Variants in SPIDR observed in about 807,000 individuals in gnomAD.
The protein encoded by SPIDR is DNA repair-scaffolding protein.
SPIDR carries 93 observed loss-of-function variants against 104.6 expected under a neutral mutation model. The ratio of observed to expected loss-of-function variants is 0.89; its 90% CI spans 0.75 to 1.06. The LOEUF (loss-of-function observed/expected upper bound fraction) is 1.06. SPIDR is among the 50% of genes least tolerant of loss of function. The probability of loss-of-function intolerance (pLI) is 0.00; values close to 1 mark genes in which losing one functional copy is unlikely to be tolerated. For missense variants in SPIDR, 1,154 were observed against 1,111.2 expected (o/e 1.04, Z -0.55); for synonymous variants, 431 against 416.9 (o/e 1.03, Z -0.41).
chr8:47,599,228 G>T (rs1181562854), intron 10 of SPIDR, 32 bp downstream of exon 10: 1 of 1,608,964 alleles, frequency 6.2e-7, no homozygotes, highest in African/African-American at 1.3e-5. Context: ...TGGGGCAGAG[G>T]TGAAGAGTCA....
intron 5 of SPIDR, among the ~76,000 whole-genome samples, chr8:47,327,919 A>C (rs1243003880): frequency 6.6e-6 from 1 of 151,430 alleles, no homozygotes; most frequent in Non-Finnish European, 1.5e-5. Context: ...GCTTGTCTTG[A>C]ACCCCTGAGC....
At chr8:47,371,835 T>A (rs1392981571) in intron 5 of SPIDR, among the ~76,000 whole-genome samples, 1 of 152,178 alleles carries the variant, frequency 6.6e-6, no homozygotes, top group South Asian at 2.1e-4. Context: ...GACAGAAATC[T>A]TCTGCTTGGA....
At chr8:47,374,955 C>T (rs1554641420) in intron 5 of SPIDR, among the ~76,000 whole-genome samples, 1 of 152,000 alleles carries the variant, frequency 6.6e-6, no homozygotes, top group African/African-American at 2.4e-5. Context: ...ACTCAGGAGG[C>T]TGAGGCAGGA....
At chr8:47,525,573 G>T (rs890747224) in intron 8 of SPIDR, among the ~76,000 whole-genome samples, 9 of 152,064 alleles carry the variant, frequency 5.9e-5, no homozygotes, top group Non-Finnish European at 1.3e-4. Context: ...GGCCAGGGTG[G>T]GCGGATCACC....
chr8:47,686,661 A>AT (rs1785421197), intron 11 of SPIDR, among the ~76,000 whole-genome samples: 1 of 152,144 alleles, frequency 6.6e-6, no homozygotes, highest in African/African-American at 2.4e-5. Flanking sequence ...CCAAAGTCTG[A>AT]TTTTCAGTAC....
intron 7 of SPIDR, among the ~76,000 whole-genome samples, chr8:47,429,224 A>G (rs1411878041): frequency 6.6e-6 from 1 of 152,242 alleles, no homozygotes; most frequent in Non-Finnish European, 1.5e-5. Context: ...TTTATTAAAA[A>G]TAATGGTGGG....
At chr8:47,403,580 T>C (rs4873292) in intron 6 of SPIDR, among the ~76,000 whole-genome samples, 91,174 of 151,988 alleles carry the variant, frequency 0.6, 29,758 homozygotes, top group Admixed American at 0.75. Context: ...ACAGCCAAAT[T>C]ATGAGTGAAC....
At chr8:47,567,351 C>CT (rs2057996684) in intron 8 of SPIDR, among the ~76,000 whole-genome samples, 1 of 151,966 alleles carries the variant, frequency 6.6e-6, no homozygotes, top group South Asian at 2.1e-4. Flanking sequence ...TCCCGAGTAG[C>CT]TGGGATTACA....
intron 7 of SPIDR, among the ~76,000 whole-genome samples, chr8:47,424,205 G>A (rs2066043219): frequency 6.6e-6 from 1 of 152,196 alleles, no homozygotes; most frequent in Non-Finnish European, 1.5e-5. Context: ...AGCAGTGGTT[G>A]CACCCTGGCT....
intron 8 of SPIDR, among the ~76,000 whole-genome samples, chr8:47,482,594 G>T (rs1486092551): frequency 2.6e-5 from 4 of 152,222 alleles, no homozygotes; most frequent in Non-Finnish European, 5.9e-5. Flanking sequence ...CTACTACCTA[G>T]TGAAGGGGAG....
At chr8:47,393,950 G>A (rs1410351077) in intron 5 of SPIDR, among the ~76,000 whole-genome samples, 1 of 151,298 alleles carries the variant, frequency 6.6e-6, no homozygotes, top group South Asian at 2.1e-4. Context: ...TGTCACCCAG[G>A]CTGGAGTGCA....
chr8:47,606,969 A>G (rs2063036284), intron 10 of SPIDR, among the ~76,000 whole-genome samples: 2 of 152,226 alleles, frequency 1.3e-5, no homozygotes, highest in Non-Finnish European at 2.9e-5. Flanking sequence ...CTCGTCAACA[A>G]CACAGGGGAC....
At chr8:47,465,810 C>T (rs569087427) in intron 8 of SPIDR, among the ~76,000 whole-genome samples, 2 of 152,002 alleles carry the variant, frequency 1.3e-5, no homozygotes, top group East Asian at 3.9e-4. Flanking sequence ...CCCATAGGCT[C>T]AAAATAAAGG....
At chr8:47,548,985 G>A (rs2089984107) in intron 8 of SPIDR, among the ~76,000 whole-genome samples, 1 of 152,040 alleles carries the variant, frequency 6.6e-6, no homozygotes, top group Admixed American at 6.6e-5. Context: ...TGTTCTCATG[G>A]TTCACTTCCC....
chr8:47,659,700 C>T lies in SPIDR; in HGVS notation c.1545-14101C>T, dbSNP rs983779879. 23 of 985,326 alleles carry T rather than the reference C, an allele frequency of 2.3e-5. No homozygotes were observed. In the East Asian group the frequency reaches 2.3e-3, roughly 97 times the overall value. The allele number at this position is 985,326 out of a possible 1,614,324, so 61.0% of individuals were successfully genotyped here. ...GCTCCCTTGCGCTCAGGTTCCAGCCCTCTTCTGTCCCCATGCTCCCTTTTT... is the reference window on the plus strand; with the variant it reads ...GCTCCCTTGCGCTCAGGTTCCAGCCTTCTTCTGTCCCCATGCTCCCTTTTT... On this transcript the variant is annotated intron_variant, in intron 10 of 19. Coordinates refer to ENST00000297423, the MANE Select transcript of SPIDR (RefSeq NM_001080394.4).
chr8:47,639,928 C>CA (rs777519014), intron 10 of SPIDR, among the ~76,000 whole-genome samples: 5,436 of 128,094 alleles, frequency 0.042, 110 homozygotes, highest in Non-Finnish European at 0.06. Flanking sequence ...GCCTGGGTGA[C>CA]AAAAAAAAAA....
chr8:47,478,171 C>A (rs2076494421), intron 8 of SPIDR, among the ~76,000 whole-genome samples: 1 of 152,140 alleles, frequency 6.6e-6, no homozygotes, highest in African/African-American at 2.4e-5. Context: ...GAAAACCCGA[C>A]AGAAATAATG....
rs140899135 is a variant in SPIDR, at chr8:47,647,677, G to GGAGA, written c.1545-26107_1545-26104dup. ...GAGGGAGAGAGAGAGAGGGAGAGAG[G>GGAGA]GAGAGAGAGAGAGAGAGAGAAATGA... On this transcript the variant is annotated intron_variant, in intron 10 of 19. Coordinates refer to ENST00000297423, the MANE Select transcript of SPIDR (RefSeq NM_001080394.4). Among the ~76,000 whole-genome samples, 11 of 69,618 alleles carry GGAGA rather than the reference G, an allele frequency of 1.6e-4. No homozygotes were observed. In the East Asian group the frequency reaches 1.8e-3, roughly 11 times the overall value. 45.7% of individuals were successfully genotyped at this position (69,618 alleles called of 152,430 possible). A position where few individuals can be genotyped will look rare whatever the true frequency, so the allele number is the denominator to read the frequency against.
intron 10 of SPIDR, among the ~76,000 whole-genome samples, chr8:47,663,694 T>A (rs1210696911): frequency 6.6e-6 from 1 of 152,240 alleles, no homozygotes; most frequent in Non-Finnish European, 1.5e-5. Context: ...AGCTCACACT[T>A]GTGTACAAAT....
Sources: allele counts gnomAD v4.1 joint callset (sites outside exome capture counted in the v4.1 genomes callset), GRCh38; gene constraint gnomAD v4.1.1; transcripts MANE v1.5; gene names NCBI Gene and HGNC (gene_info 2026-07-23, HGNC 2026-07-21).